Variants in GLIS3 observed in about 807,000 individuals in gnomAD.
The protein encoded by GLIS3 is GLIS family zinc finger 3.
A neutral mutation model predicts 78.6 loss-of-function variants in GLIS3; 53 were observed. The ratio of observed to expected loss-of-function variants is 0.67; its 90% CI spans 0.54 to 0.85. The LOEUF (loss-of-function observed/expected upper bound fraction) is 0.85, where lower values mean the gene tolerates loss of function less well. GLIS3 is among the 40% of genes least tolerant of loss of function. GLIS3 has a pLI of 0.00. For synonymous variants in GLIS3, 684 were observed against 509.9 expected (o/e 1.34, Z -4.60); for missense variants, 1,703 against 1,231.1 (o/e 1.38, Z -5.74).
intron 2 of GLIS3, among the ~76,000 whole-genome samples, chr9:4,186,237 G>A (rs991778734): frequency 1.0e-4 from 15 of 148,602 alleles, no homozygotes; most frequent in Admixed American, 2.7e-4. Context: ...CTATGAGTGA[G>A]AACATGCAGT....
intron 4 of GLIS3, among the ~76,000 whole-genome samples, chr9:3,989,750 T>C (rs1237609479): frequency 6.6e-6 from 1 of 152,202 alleles, no homozygotes; most frequent in Non-Finnish European, 1.5e-5. Flanking sequence ...AGTAGGTGGA[T>C]GTATTTATTA....
intron 6 of GLIS3, among the ~76,000 whole-genome samples, chr9:3,902,098 C>G (rs975627825): frequency 2.6e-5 from 4 of 152,198 alleles, no homozygotes; most frequent in Non-Finnish European, 4.4e-5. Context: ...ACGGGCAATT[C>G]TTTCTTAGCT....
intron 2 of GLIS3, among the ~76,000 whole-genome samples, chr9:4,181,462 C>T (rs1203458305): frequency 2.6e-5 from 4 of 152,208 alleles, no homozygotes; most frequent in Non-Finnish European, 4.4e-5. Context: ...TGCTGGCTTA[C>T]ACAGAGGGGT....
At chr9:4,244,233 T>G (rs1240303342) in intron 2 of GLIS3, among the ~76,000 whole-genome samples, 1 of 152,220 alleles carries the variant, frequency 6.6e-6, no homozygotes, top group Non-Finnish European at 1.5e-5. Flanking sequence ...GCTCATGTCC[T>G]TCATTGCCTG....
chr9:4,207,502 T>C (rs970105772), intron 2 of GLIS3, among the ~76,000 whole-genome samples: 1 of 152,204 alleles, frequency 6.6e-6, no homozygotes, highest in Non-Finnish European at 1.5e-5. Context: ...GTTACAAATC[T>C]GGGAGGATTC....
intron 4 of GLIS3, among the ~76,000 whole-genome samples, chr9:4,016,007 A>ATGCCTG (rs1259545385): frequency 1.3e-5 from 2 of 152,106 alleles, no homozygotes; most frequent in African/African-American, 2.4e-5. Flanking sequence ...TCAATTATAC[A>ATGCCTG]TGCCTGTGGA....
At chr9:4,346,609 T>C (rs969368641) in intron 2 of GLIS3, among the ~76,000 whole-genome samples, 2 of 152,232 alleles carry the variant, frequency 1.3e-5, no homozygotes, top group South Asian at 2.1e-4. Context: ...TTTATGGCCA[T>C]CCTTGGTCAG....
intron 2 of GLIS3, among the ~76,000 whole-genome samples, chr9:4,339,163 G>C (rs1300593589): frequency 2.0e-5 from 3 of 152,144 alleles, no homozygotes; most frequent in South Asian, 2.1e-4. Context: ...TTATATATTT[G>C]GTGGCATAGA....
At chr9:4,404,199 G>C in the GLIS3 span, among the ~76,000 whole-genome samples, 2 of 152,092 alleles carry the variant, frequency 1.3e-5, no homozygotes, top group Non-Finnish European at 2.9e-5. Flanking sequence ...TGCACCCAAC[G>C]CTGGAGCAAC....
chr9:4,411,500 T>C, the GLIS3 span, among the ~76,000 whole-genome samples: 394 of 152,366 alleles, frequency 2.6e-3, no homozygotes, highest in Non-Finnish European at 4.0e-3. Flanking sequence ...AGAAAACTAG[T>C]AATCCCTCAG....
chr9:4,323,278 G>A (rs1048184249), intron 2 of GLIS3, among the ~76,000 whole-genome samples: 1 of 152,066 alleles, frequency 6.6e-6, no homozygotes, highest in Non-Finnish European at 1.5e-5. Flanking sequence ...CAGGTGATTT[G>A]CCTGCCTTGG....
chr9:4,379,260 G>A, the GLIS3 span, among the ~76,000 whole-genome samples: 2 of 152,160 alleles, frequency 1.3e-5, no homozygotes, highest in African/African-American at 2.4e-5. Flanking sequence ...CTCATTTGCT[G>A]GCTATGGGTC....
At chr9:3,987,777 A>C (rs568217844) in intron 4 of GLIS3, among the ~76,000 whole-genome samples, 15 of 144,766 alleles carry the variant, frequency 1.0e-4, no homozygotes, top group South Asian at 2.2e-4. Context: ...AAAAAAAAAA[A>C]AAAAAAAAAA....
At chr9:4,060,628 G>A (rs1469410581) in intron 4 of GLIS3, among the ~76,000 whole-genome samples, 2 of 152,128 alleles carry the variant, frequency 1.3e-5, no homozygotes, top group Non-Finnish European at 2.9e-5. Context: ...CAGACCCGTT[G>A]CCAGGTGATA....
At chr9:4,372,811 C>T in the GLIS3 span, among the ~76,000 whole-genome samples, 1 of 152,080 alleles carries the variant, frequency 6.6e-6, no homozygotes, top group African/African-American at 2.4e-5. Context: ...TGCTATTATC[C>T]TTATTTCACC....
intron 4 of GLIS3, among the ~76,000 whole-genome samples, chr9:4,030,676 G>C (rs577856069): frequency 6.6e-6 from 1 of 152,290 alleles, no homozygotes; most frequent in East Asian, 1.9e-4. Flanking sequence ...ATTTATTGAA[G>C]AGAATGTCTG....
intron 4 of GLIS3, among the ~76,000 whole-genome samples, chr9:3,957,651 A>T (rs183025669): frequency 6.6e-6 from 1 of 152,220 alleles, no homozygotes; most frequent in African/African-American, 2.4e-5. Flanking sequence ...AGGCACATAC[A>T]TATCGCATGA....
Position 3,986,170 on chromosome 9 carries a change from A to G in GLIS3, c.1711-48981T>C, listed in dbSNP as rs12338353. Among the ~76,000 whole-genome samples the G allele has an allele frequency of 7.4e-3, 1,128 of 152,344 alleles. 15 individuals are homozygous for G. The highest frequency in any genetic ancestry group is 0.026 in the African/African-American group (1,100 of 41,570). The stretch of plus-strand genomic sequence containing the variant: ...GAACAGTGGTGTTTTGCATGTCTAC[A>G]TTGCAGGCATGCACTTTCTCCAACA... On this transcript the variant is annotated intron_variant, in intron 4 of 10. Coordinates refer to ENST00000381971, the MANE Select transcript of GLIS3 (RefSeq NM_001042413.2).
At chr9:4,308,270 G>C (rs10814922) in intron 4 of GLIS3, among the ~76,000 whole-genome samples, 36,139 of 152,008 alleles carry the variant, frequency 0.24, 5,391 homozygotes, top group East Asian at 0.47. Context: ...GGAAGGGCAG[G>C]AGAAAGAAGA....
Sources: gnomAD v4.1 joint callset for allele counts (sites outside exome capture counted in the v4.1 genomes callset) on GRCh38, gnomAD v4.1.1 for gene constraint, MANE v1.5 for transcripts, NCBI Gene and HGNC (gene_info 2026-07-23, HGNC 2026-07-21) for gene names.